Variants in RABGAP1L observed in about 807,000 individuals in gnomAD.
RABGAP1L encodes the protein rab GTPase-activating protein 1-like.
A neutral mutation model predicts 137.7 loss-of-function variants in RABGAP1L; 63 were observed. The observed-to-expected ratio is 0.46, with a 90% CI of 0.37 to 0.56. The LOEUF (loss-of-function observed/expected upper bound fraction) is 0.56, where lower values mean the gene tolerates loss of function less well. Ranked by LOEUF, RABGAP1L falls within the 20% of genes least tolerant of loss-of-function variation. The pLI is 0.00. For missense variants in RABGAP1L, 1,095 were observed against 1,244.0 expected (o/e 0.88, Z 1.80); for synonymous variants, 431 against 433.7 (o/e 0.99, Z 0.08).
Position 174,255,967 on chromosome 1 carries a change from T to C in RABGAP1L, c.986+3377T>C, listed in dbSNP as rs147982088. On this transcript the variant is annotated intron_variant, in intron 7 of 25. Coordinates refer to ENST00000681986, the MANE Select transcript of RABGAP1L (RefSeq NM_001366446.1). The stretch of plus-strand genomic sequence containing the variant: ...GTTTTCCAAGAATAGGGATATCGCT[T>C]ACATCACCACAGTATACTTATCAAC... Among the ~76,000 whole-genome samples, 916 of 152,346 alleles carry C rather than the reference T, an allele frequency of 6.0e-3. 3 individuals are homozygous for C. Among genetic ancestry groups the C allele is most frequent in the Non-Finnish European group, 8.9e-3 (605 of 68,036 alleles).
At chr1:174,203,827 C>T (rs1668305267) in intron 1 of RABGAP1L, among the ~76,000 whole-genome samples, 1 of 151,910 alleles carries the variant, frequency 6.6e-6, no homozygotes, top group Non-Finnish European at 1.5e-5. Context: ...TGGCTGTATT[C>T]CCAGGTATTT....
chr1:174,926,671 A>G (rs1662885541), intron 19 of RABGAP1L, among the ~76,000 whole-genome samples: 2 of 152,098 alleles, frequency 1.3e-5, no homozygotes. Context: ...AGATTTTTCT[A>G]ATTAAATGAC....
At chr1:174,539,276 CT>C (rs556740668) in intron 13 of RABGAP1L, among the ~76,000 whole-genome samples, 8 of 151,194 alleles carry the variant, frequency 5.3e-5, no homozygotes, top group African/African-American at 1.2e-4. Context: ...TTTTTCATTT[CT>C]TTTTTTTCTT....
At chr1:174,775,476 G>T (rs1686456004) in intron 18 of RABGAP1L, among the ~76,000 whole-genome samples, 1 of 151,970 alleles carries the variant, frequency 6.6e-6, no homozygotes, top group African/African-American at 2.4e-5. Flanking sequence ...ACCACGCCTG[G>T]CTAATTTTGT....
rs548104568 is a variant in RABGAP1L at position 174,617,394 on chromosome 1, A to G, written c.1711-19981A>G. ...AATATTAACCAGGCTTTGTAAAACA[A>G]AAAATGCTCCATCATACAGTTACTG... is the stretch of plus-strand genomic sequence containing the variant. On this transcript the variant is annotated intron_variant, in intron 13 of 25. Transcript: ENST00000681986. Among the ~76,000 whole-genome samples, 4 of 152,346 alleles carry G rather than the reference A, an allele frequency of 2.6e-5. No individual in the cohort carries two copies. The East Asian group carries it at 5.8e-4, about 22-fold the overall frequency.
At chr1:174,830,779 C>T (rs1427096843) in intron 19 of RABGAP1L, among the ~76,000 whole-genome samples, 1 of 148,200 alleles carries the variant, frequency 6.7e-6, no homozygotes, top group East Asian at 2.1e-4. Flanking sequence ...ACCTGGTGAG[C>T]TGTTATTTTT....
At chr1:174,349,296 A>G (rs1682802701) in intron 11 of RABGAP1L, among the ~76,000 whole-genome samples, 1 of 93,406 alleles carries the variant, frequency 1.1e-5, no homozygotes, top group Non-Finnish European at 2.1e-5. Flanking sequence ...ACTTCCCAGT[A>G]GGGGCGGCCG....
intron 13 of RABGAP1L, among the ~76,000 whole-genome samples, chr1:174,564,584 A>G (rs748984172): frequency 7.9e-5 from 12 of 152,130 alleles, no homozygotes; most frequent in Admixed American, 4.6e-4. Flanking sequence ...GATATTTTCA[A>G]TGACTCTTAT....
chr1:174,955,861 C>T (rs187043908), intron 19 of RABGAP1L, among the ~76,000 whole-genome samples: 58 of 152,248 alleles, frequency 3.8e-4, no homozygotes, highest in Non-Finnish European at 6.6e-4. Context: ...GAAGGAGGAT[C>T]GCTTCAGCCC....
intron 15 of RABGAP1L, among the ~76,000 whole-genome samples, chr1:174,699,020 G>A (rs980210086): frequency 6.6e-6 from 1 of 150,484 alleles, no homozygotes; most frequent in African/African-American, 2.4e-5. Context: ...TTTTAGACGG[G>A]GTCTCGCTCT....
At chr1:174,185,943 C>G (rs12093691) in intron 1 of RABGAP1L, among the ~76,000 whole-genome samples, 54 of 151,954 alleles carry the variant, frequency 3.6e-4, no homozygotes, top group African/African-American at 1.2e-3. Context: ...CGGGAGTTCG[C>G]GACCAGCCTG....
intron 3 of RABGAP1L, among the ~76,000 whole-genome samples, chr1:174,224,699 A>G (rs1002635806): frequency 6.6e-6 from 1 of 152,152 alleles, no homozygotes; most frequent in African/African-American, 2.4e-5. Context: ...ATATACATAC[A>G]TTGAAAAACC....
At chr1:174,776,686 C>T (rs1315908764) in intron 18 of RABGAP1L, among the ~76,000 whole-genome samples, 1 of 152,152 alleles carries the variant, frequency 6.6e-6, no homozygotes, top group African/African-American at 2.4e-5. Flanking sequence ...CATTTAATGG[C>T]CCATCCTTTT....
intron 13 of RABGAP1L, among the ~76,000 whole-genome samples, chr1:174,398,024 A>G (rs535789723): frequency 1.8e-4 from 27 of 152,226 alleles, no homozygotes; most frequent in Non-Finnish European, 8.8e-5. Flanking sequence ...GAAGACATGT[A>G]TAGGGCAGAA....
chr1:174,219,420 T>A, intron 2 of RABGAP1L, 125 bp downstream of exon 2: 2 of 639,604 alleles, frequency 3.1e-6, no homozygotes, highest in Non-Finnish European at 4.6e-6. Flanking sequence ...ATGTTTGATT[T>A]ATCCAGACCC....
chr1:174,886,995 TG>T (rs1325531437), intron 19 of RABGAP1L, among the ~76,000 whole-genome samples: 4 of 152,078 alleles, frequency 2.6e-5, no homozygotes, highest in African/African-American at 9.7e-5. Context: ...TTAGTAGAGA[TG>T]GGATTTCACC....
intron 18 of RABGAP1L, among the ~76,000 whole-genome samples, chr1:174,794,038 A>C (rs1433755316): frequency 6.6e-6 from 1 of 152,098 alleles, no homozygotes; most frequent in East Asian, 1.9e-4. Flanking sequence ...TGATTTGTGC[A>C]GGATTTTACA....
intron 13 of RABGAP1L, among the ~76,000 whole-genome samples, chr1:174,493,863 C>G (rs1660500939): frequency 6.6e-6 from 1 of 151,086 alleles, no homozygotes; most frequent in South Asian, 2.1e-4. Context: ...ATGTAACCTC[C>G]TGTAACAGCA....
chr1:174,636,745 T>A (rs1192819682), intron 13 of RABGAP1L, among the ~76,000 whole-genome samples: 1 of 152,212 alleles, frequency 6.6e-6, no homozygotes, highest in Non-Finnish European at 1.5e-5. Flanking sequence ...GTTTGGAGTA[T>A]GTATTGGAAT....
Sources: gnomAD v4.1 joint callset for allele counts (sites outside exome capture counted in the v4.1 genomes callset) on GRCh38, gnomAD v4.1.1 for gene constraint, MANE v1.5 for transcripts, NCBI Gene and HGNC (gene_info 2026-07-23, HGNC 2026-07-21) for gene names.